Variants in NAT8 observed in about 807,000 individuals in gnomAD.
NAT8 encodes the protein N-acetyltransferase 8.
For missense variants in NAT8, 357 were observed against 287.1 expected (o/e 1.24, Z -1.76); for synonymous variants, 131 against 115.4 (o/e 1.14, Z -0.87).
Position 73,641,135 on chromosome 2 carries a change from G to T in NAT8, c.494C>A (p.Ala165Asp). 1.2e-6 allele frequency: 2 copies of T among 1,614,102 alleles called. No homozygotes were observed. Among genetic ancestry groups the T allele is most frequent in the Non-Finnish European group, 1.7e-6 (2 of 1,180,018 alleles). Reference protein sequence around the residue: ...KALVRTVLQFARDQGYSEVIL... With the variant: ...KALVRTVLQFDRDQGYSEVIL... ...AACTTCACTGTAGCCCTGGTCCCGG[G>T]CAAACTGGAGGACAGTCCTGACCAG... is the stretch of plus-strand genomic sequence containing the variant. Residue 165 changes from alanine (A) to aspartate (D), a missense_variant, in exon 2 of 2, where the codon GCC becomes GAC. Ala to Asp is a moderately radical substitution (Grantham distance 126, BLOSUM62 -2). Transcript: ENST00000272425.
chr2:73,641,072 G>A lies in NAT8; in HGVS notation c.557C>T (p.Ala186Val). ...CTTGAAGCCCATGCTCTGGTAGAGG[G>A]CCATAGCAGAGAGCTGGATGGTGCC... is the stretch of plus-strand genomic sequence containing the variant. Reference protein sequence around the residue: ...DTGTIQLSAMALYQSMGFKKT... With the variant: ...DTGTIQLSAMVLYQSMGFKKT... The change falls in exon 2 of 2, where the codon GCC (alanine) becomes GTC (valine). Residue 186 changes from alanine (A) to valine (V), a missense_variant. Physicochemically the swap from Ala to Val is moderately conservative, Grantham distance 64. Coordinates refer to ENST00000272425, the MANE Select transcript of NAT8 (RefSeq NM_003960.4). 6.2e-7 allele frequency: 1 copy of A among 1,614,142 alleles called. No individual in the cohort carries two copies.
Position 73,640,959 on chromosome 2 carries a change from C to A in NAT8, c.670G>T (p.Val224Leu). The A allele has an allele frequency of 6.2e-7, 1 of 1,611,520 alleles. No homozygotes were observed. The highest frequency in any genetic ancestry group is 8.5e-7 in the Non-Finnish European group (1 of 1,178,774). ...HFIYHLPSSK[V>L]GSL Reference sequence around the variant, plus strand: ...ACAGAAAGAGATCACAGACTCCCTACCTTAGAAGAAGGGAGGTGGTAGATG... The same window carrying A: ...ACAGAAAGAGATCACAGACTCCCTAACTTAGAAGAAGGGAGGTGGTAGATG... The change falls in exon 2 of 2, where the codon GTA becomes TTA. Residue 224 changes from valine to leucine, a missense_variant. Physicochemically the swap from Val to Leu is conservative, Grantham distance 32. Coordinates refer to ENST00000272425, the MANE Select transcript of NAT8 (RefSeq NM_003960.4).
At chr2:73,642,134 C>T (rs1268695073) in intron 1 of NAT8, among the ~76,000 whole-genome samples, 184 bp downstream of exon 1, 1 of 152,134 alleles carries the variant, frequency 6.6e-6, no homozygotes, top group African/African-American at 2.4e-5. Context: ...TGTCCTTCTC[C>T]AGGGACCATA....
At position 73,641,477 on chromosome 2, in the gene NAT8, A is replaced by AG. The variant is rs1298145051; in HGVS notation, c.151dup (p.Leu51ProfsTer46). 1 of 1,613,966 alleles carries AG rather than the reference A, an allele frequency of 6.2e-7. No homozygotes were observed. Among genetic ancestry groups the AG allele is most frequent in the South Asian group, 1.1e-5 (1 of 91,062 alleles). On this transcript the variant is annotated frameshift_variant, in exon 2 of 2. Coordinates refer to ENST00000272425, the MANE Select transcript of NAT8 (RefSeq NM_003960.4). LOFTEE classifies it low-confidence loss of function (END_TRUNC). ...GGATCCAGAGACCAGGAGTAGGGCG[A>AG]GGGGCCCCCCAAGTAAGAGTATGAG...
Position 73,641,656 on chromosome 2 carries a change from A to C in NAT8, c.-28T>G. On this transcript the variant is annotated 5_prime_UTR_variant, in exon 2 of 2. Coordinates refer to ENST00000272425, the MANE Select transcript of NAT8 (RefSeq NM_003960.4). The stretch of plus-strand genomic sequence containing the variant: ...ACAGACTTCTGTGTCTGAAATCTCT[A>C]AGTCCAGGAGACAGAGCTAGGCCTC... 6.6e-7 allele frequency: 1 copy of C among 1,523,152 alleles called. No homozygotes were observed. Among genetic ancestry groups the C allele is most frequent in the South Asian group, 1.3e-5 (1 of 75,772 alleles). The allele number at this position is 1,523,152 out of a possible 1,614,324, so 94.4% of individuals were successfully genotyped here.
rs546025211 is a variant in NAT8 at position 73,640,827 on chromosome 2, A to C, written c.*118T>G. On this transcript the variant is annotated 3_prime_UTR_variant, in exon 2 of 2. Transcript: ENST00000272425. ...CCCCACAAGCAATCACATGGGACTC[A>C]GATGTGAATGGACAATAAGCTTTTA... The C allele has an allele frequency of 9.0e-7, 1 of 1,111,042 alleles. No individual in the cohort carries two copies. The highest frequency in any genetic ancestry group is 1.3e-6 in the Non-Finnish European group (1 of 798,864). 68.8% of individuals were successfully genotyped at this position (1,111,042 alleles called of 1,614,324 possible).
At position 73,641,023 on chromosome 2, in the gene NAT8, A is replaced by C. The variant is rs754804477; in HGVS notation, c.606T>G (p.Cys202Trp). ...GFKKTGQSFF[C>W]VWARLVALHT... ...GAAGAGCCACTAGCCTGGCCCACAC[A>C]CAGAAGAAGGACTGGCCCGTCTTCT... is the stretch of plus-strand genomic sequence containing the variant. The change falls in exon 2 of 2, where the codon TGT becomes TGG. Residue 202 changes from cysteine to tryptophan, a missense_variant. Physicochemically the swap from Cys to Trp is radical, Grantham distance 215. Transcript: ENST00000272425. 2.5e-6 allele frequency: 4 copies of C among 1,614,092 alleles called. No homozygotes were observed. The East Asian group carries it at 8.9e-5, about 36-fold the overall frequency.
In NAT8 at chr2:73,641,250, C is replaced by A; in HGVS notation, c.379G>T (p.Val127Phe). 1.2e-6 allele frequency: 2 copies of A among 1,614,148 alleles called. No individual in the cohort carries two copies. Among genetic ancestry groups the A allele is most frequent in the Non-Finnish European group, 1.7e-6 (2 of 1,180,032 alleles). Residue 127 changes from valine (V) to phenylalanine (F), a missense_variant, in exon 2 of 2, where the codon GTT becomes TTT. Coordinates refer to ENST00000272425, the MANE Select transcript of NAT8 (RefSeq NM_003960.4). ...KVVGMVGALP[V>F]DDPTLREKRL... Reference sequence around the variant, plus strand: ...TTCTCCCTCAAGGTGGGATCATCAACAGGCAGAGCTCCTACCATGCCCACC... The same window carrying A: ...TTCTCCCTCAAGGTGGGATCATCAAAAGGCAGAGCTCCTACCATGCCCACC...
At position 73,641,681 on chromosome 2, in the gene NAT8, C is replaced by T. The variant is rs1357978530; in HGVS notation, c.-53G>A. On this transcript the variant is annotated 5_prime_UTR_variant, in exon 2 of 2. Transcript: ENST00000272425. ...AAGTCCAGGAGACAGAGCTAGGCCT[C>T]CCTGCACGCCTTTACGTCAGACTGG... The T allele has an allele frequency of 3.3e-6, 5 of 1,503,754 alleles. No individual in the cohort carries two copies. The highest frequency in any genetic ancestry group is 2.7e-5 in the South Asian group (2 of 73,444). 93.2% of individuals were successfully genotyped at this position (1,503,754 alleles called of 1,614,324 possible).
rs1676396338 is a variant in NAT8 at position 73,641,405 on chromosome 2, C to T, written c.224G>A (p.Trp75Ter). ...VFSISLFPAL[W>*]FLAKKPWTEY... ...CGTCCAGGGTTTTTTGGCAAGGAAC[C>T]ACAGGGCAGGGAAGAGGCTGATGCT... is the stretch of plus-strand genomic sequence containing the variant. Residue 75 changes from tryptophan (W) to a stop codon, truncating the protein, a stop_gained, in exon 2 of 2, where the codon TGG (tryptophan) becomes TAG (stop). Transcript: ENST00000272425. LOFTEE classifies it low-confidence loss of function (END_TRUNC). 2 of 1,614,084 alleles carry T rather than the reference C, an allele frequency of 1.2e-6. No homozygotes were observed. Among genetic ancestry groups the T allele is most frequent in the Non-Finnish European group, 1.7e-6 (2 of 1,180,040 alleles).
In NAT8 at chr2:73,641,062, C is replaced by G; in HGVS notation, c.567G>C (p.Gln189His). Residue 189 changes from glutamine to histidine, a missense_variant, in exon 2 of 2, where the codon CAG (glutamine) becomes CAC (histidine). Transcript: ENST00000272425. ...TIQLSAMALY[Q>H]SMGFKKTGQS... ...GGCCCGTCTTCTTGAAGCCCATGCTCTGGTAGAGGGCCATAGCAGAGAGCT... is the reference window on the plus strand; with the variant it reads ...GGCCCGTCTTCTTGAAGCCCATGCTGTGGTAGAGGGCCATAGCAGAGAGCT... 1 of 1,614,168 alleles carries G rather than the reference C, an allele frequency of 6.2e-7. No individual in the cohort carries two copies.
chr2:73,641,097 C>A lies in NAT8; in HGVS notation c.532G>T (p.Gly178Cys), dbSNP rs1062862. ...QGYSEVILDT[G>C]TIQLSAMALY... ...GCCATAGCAGAGAGCTGGATGGTGC[C>A]GGTGTCCAGGATAACTTCACTGTAG... is the stretch of plus-strand genomic sequence containing the variant. Residue 178 changes from glycine to cysteine, a missense_variant, in exon 2 of 2, where the codon GGC (glycine) becomes TGC (cysteine). Transcript: ENST00000272425. 8 of 1,614,114 alleles carry A rather than the reference C, an allele frequency of 5.0e-6. No homozygotes were observed. Among genetic ancestry groups the A allele is most frequent in the Non-Finnish European group, 6.8e-6 (8 of 1,180,036 alleles).
chr2:73,640,925 C>G lies in NAT8; in HGVS notation c.*20G>C, dbSNP rs1309639568. 3 of 1,591,550 alleles carry G rather than the reference C, an allele frequency of 1.9e-6. No homozygotes were observed. Among genetic ancestry groups the G allele is most frequent in the Non-Finnish European group, 2.6e-6 (3 of 1,169,638 alleles). Reference sequence around the variant, plus strand: ...TACAGCTGAATGGATTCTATTCTGACCAATACACACAGAAAGAGATCACAG... The same window carrying G: ...TACAGCTGAATGGATTCTATTCTGAGCAATACACACAGAAAGAGATCACAG... On this transcript the variant is annotated 3_prime_UTR_variant, in exon 2 of 2. Transcript: ENST00000272425.
chr2:73,641,250 C>G lies in NAT8; in HGVS notation c.379G>C (p.Val127Leu), dbSNP rs1558726222. 1 of 1,614,148 alleles carries G rather than the reference C, an allele frequency of 6.2e-7. No individual in the cohort carries two copies. ...KVVGMVGALPVDDPTLREKRL... is the reference protein window; with the variant it reads ...KVVGMVGALPLDDPTLREKRL... ...TTCTCCCTCAAGGTGGGATCATCAA[C>G]AGGCAGAGCTCCTACCATGCCCACC... Residue 127 changes from valine (V) to leucine (L), a missense_variant, in exon 2 of 2, where the codon GTT (valine) becomes CTT (leucine). Coordinates refer to ENST00000272425, the MANE Select transcript of NAT8 (RefSeq NM_003960.4).
At position 73,640,856 on chromosome 2, in the gene NAT8, C is replaced by G; in HGVS notation, c.*89G>C. 1 of 1,340,720 alleles carries G rather than the reference C, an allele frequency of 7.5e-7. No individual in the cohort carries two copies. Among genetic ancestry groups the G allele is most frequent in the South Asian group, 1.5e-5 (1 of 64,914 alleles). The allele number at this position is 1,340,720 out of a possible 1,614,324, so 83.1% of individuals were successfully genotyped here. On this transcript the variant is annotated 3_prime_UTR_variant, in exon 2 of 2. Transcript: ENST00000272425. ...GTGAATGGACAATAAGCTTTTATTG[C>G]ATTGAAAGGTCATTGCAGTGAAAGG...
rs1062874 is a variant in NAT8, at chr2:73,640,948, C to G, written c.681G>C (p.Leu227=). 2 of 1,606,646 alleles carry G rather than the reference C, an allele frequency of 1.2e-6. No individual in the cohort carries two copies. The highest frequency in any genetic ancestry group is 1.7e-6 in the Non-Finnish European group (2 of 1,176,480). Residue 227 remains leucine, a synonymous_variant, in exon 2 of 2, where the codon CTG becomes CTC. Transcript: ENST00000272425. ...YHLPSSKVGS[L] is the part of the protein sequence containing the mutation. ...GACCAATACACACAGAAAGAGATCA[C>G]AGACTCCCTACCTTAGAAGAAGGGA... is the stretch of plus-strand genomic sequence containing the variant.
In NAT8 at chr2:73,641,241, G is replaced by C. The variant is rs1449212740; in HGVS notation, c.388C>G (p.Pro130Ala). ...TGCAACCGCTTCTCCCTCAAGGTGG[G>C]ATCATCAACAGGCAGAGCTCCTACC... is the stretch of plus-strand genomic sequence containing the variant. Reference protein sequence around the residue: ...GMVGALPVDDPTLREKRLQLF... With the variant: ...GMVGALPVDDATLREKRLQLF... The change falls in exon 2 of 2, where the codon CCC (proline) becomes GCC (alanine). Residue 130 changes from proline (P) to alanine (A), a missense_variant. Coordinates refer to ENST00000272425, the MANE Select transcript of NAT8 (RefSeq NM_003960.4). 1.2e-6 allele frequency: 2 copies of C among 1,614,088 alleles called. No individual in the cohort carries two copies. The highest frequency in any genetic ancestry group is 1.7e-5 in the Admixed American group (1 of 59,954).
chr2:73,640,850 T>C lies in NAT8; in HGVS notation c.*95A>G. ...TCAGATGTGAATGGACAATAAGCTT[T>C]TATTGCATTGAAAGGTCATTGCAGT... On this transcript the variant is annotated 3_prime_UTR_variant, in exon 2 of 2. Transcript: ENST00000272425. 1.5e-6 allele frequency: 2 copies of C among 1,314,592 alleles called. No individual in the cohort carries two copies. The highest frequency in any genetic ancestry group is 5.0e-5 in the East Asian group (2 of 39,706). The allele number at this position is 1,314,592 out of a possible 1,614,324, so 81.4% of individuals were successfully genotyped here.
At chr2:73,641,783 G>A (rs1676408613) in intron 1 of NAT8, 81 bp from the exon 2 acceptor site, 1 of 942,826 alleles carries the variant, frequency 1.1e-6, no homozygotes, top group African/African-American at 1.7e-5. Flanking sequence ...TCAAGGGTGT[G>A]TCTTTCCGCG....
Sources: allele counts gnomAD v4.1 joint callset (sites outside exome capture counted in the v4.1 genomes callset), GRCh38; gene constraint gnomAD v4.1.1; transcripts MANE v1.5; gene names NCBI Gene and HGNC (gene_info 2026-07-23, HGNC 2026-07-21).